RGPD2: variants seen among roughly 807,000 people sequenced by gnomAD.
The protein encoded by RGPD2 is RANBP2-like and GRIP domain-containing protein 2.
RGPD2 carries 2 observed loss-of-function variants against 36.0 expected under a neutral mutation model. The ratio of observed to expected loss-of-function variants is 0.06; its 90% CI spans 0.02 to 0.17. RGPD2 has a LOEUF of 0.17. RGPD2 is among the 10% of genes least tolerant of loss of function. The probability of loss-of-function intolerance (pLI) is 1.00; values close to 1 mark genes in which losing one functional copy is unlikely to be tolerated. For synonymous variants in RGPD2, 19 were observed against 163.8 expected, an observed-to-expected ratio of 0.12 and a Z score of 6.75; for missense variants, 40 against 464.3, an observed-to-expected ratio of 0.09 and a Z score of 8.40.
At chr2:87,937,236 G>A in the RGPD2 span, among the ~76,000 whole-genome samples, 3 of 151,720 alleles carry the variant, frequency 2.0e-5, no homozygotes, top group Admixed American at 6.6e-5. Context: ...ATTTAAAAGT[G>A]TCTTGAGCAA....
the RGPD2 span, among the ~76,000 whole-genome samples, chr2:87,951,346 T>C: frequency 1.3e-5 from 2 of 151,464 alleles, no homozygotes; most frequent in Admixed American, 6.6e-5. Context: ...AAACTAATTA[T>C]TAGAACAAGA....
At chr2:87,911,983 C>G in the RGPD2 span, among the ~76,000 whole-genome samples, 1 of 152,106 alleles carries the variant, frequency 6.6e-6, no homozygotes, top group Non-Finnish European at 1.5e-5. Flanking sequence ...CAAGTAAAAT[C>G]TAGCTAGTCC....
chr2:87,881,430 A>G, the RGPD2 span, among the ~76,000 whole-genome samples: 1 of 152,176 alleles, frequency 6.6e-6, no homozygotes, highest in African/African-American at 2.4e-5. Context: ...CTGGGGACCC[A>G]GGCTTTCTCA....
chr2:87,985,614 T>G, the RGPD2 span: 2 of 991,834 alleles, frequency 2.0e-6, no homozygotes, highest in African/African-American at 3.2e-5. Flanking sequence ...TTAATATCAT[T>G]CTATTATTTT....
the RGPD2 span, among the ~76,000 whole-genome samples, chr2:87,837,210 A>G: frequency 5.3e-5 from 8 of 150,374 alleles, no homozygotes; most frequent in African/African-American, 1.9e-4. Context: ...CCCAAATTTG[A>G]TACTTAACTA....
the RGPD2 span, among the ~76,000 whole-genome samples, chr2:87,883,636 A>T: frequency 6.6e-6 from 1 of 151,958 alleles, no homozygotes; most frequent in Admixed American, 6.6e-5. Context: ...TTAAAGGGAG[A>T]CAGAAACTGA....
intron 21 of RGPD2, among the ~76,000 whole-genome samples, chr2:87,773,693 C>CA (rs1305018424): frequency 0.014 from 37 of 2,602 alleles, 1 homozygote; most frequent in Non-Finnish European, 0.019. Flanking sequence ...AAGACTATCT[C>CA]AAAAAAAAAA....
At chr2:87,913,140 A>G in the RGPD2 span, among the ~76,000 whole-genome samples, 2 of 152,280 alleles carry the variant, frequency 1.3e-5, no homozygotes, top group South Asian at 4.1e-4. Context: ...TTTCTACACA[A>G]CCCAAATGTC....
intron 1 of RGPD2, chr2:87,825,265 A>T (rs955492681): frequency 3.3e-5 from 13 of 392,938 alleles, no homozygotes; most frequent in Non-Finnish European, 5.4e-5. Flanking sequence ...ACTAACCTCA[A>T]AACAAATGAT....
the RGPD2 span, among the ~76,000 whole-genome samples, chr2:87,831,235 A>G: frequency 3.3e-5 from 5 of 152,106 alleles, no homozygotes; most frequent in Non-Finnish European, 7.4e-5. Context: ...AGTAAAATGG[A>G]AAAGATATCA....
the RGPD2 span, among the ~76,000 whole-genome samples, chr2:87,874,065 T>G: frequency 6.8e-6 from 1 of 147,108 alleles, no homozygotes; most frequent in Admixed American, 6.8e-5. Flanking sequence ...TTGCCTATGG[T>G]TTTTTTTTTC....
chr2:87,917,136 G>C, the RGPD2 span, among the ~76,000 whole-genome samples: 2 of 152,036 alleles, frequency 1.3e-5, no homozygotes, highest in Non-Finnish European at 2.9e-5. Context: ...TTGGAATATT[G>C]AGGTAAGTCA....
chr2:87,836,319 GAGGACGGA>G, the RGPD2 span, among the ~76,000 whole-genome samples: 1 of 144,914 alleles, frequency 6.9e-6, no homozygotes, highest in Admixed American at 7.0e-5. Context: ...GAGAGAGAGG[GAGGACGGA>G]AGGAAGGAAG....
the RGPD2 span, among the ~76,000 whole-genome samples, chr2:87,873,176 C>G: frequency 6.6e-6 from 1 of 151,778 alleles, no homozygotes; most frequent in African/African-American, 2.4e-5. Context: ...TAATCTCATT[C>G]CCTTTTTATG....
At chr2:87,976,015 A>C in the RGPD2 span, among the ~76,000 whole-genome samples, 1 of 151,012 alleles carries the variant, frequency 6.6e-6, no homozygotes, top group African/African-American at 2.4e-5. Flanking sequence ...TGTTTATGAG[A>C]GGTTGGGGGA....
At chr2:87,951,161 T>C in the RGPD2 span, among the ~76,000 whole-genome samples, 1 of 137,888 alleles carries the variant, frequency 7.3e-6, no homozygotes, top group Non-Finnish European at 1.6e-5. Flanking sequence ...CCTACCATTA[T>C]ATCAGACTGC....
intron 1 of RGPD2, chr2:87,825,042 A>C: frequency 2.6e-6 from 1 of 381,134 alleles, no homozygotes; most frequent in East Asian, 3.7e-5. Context: ...ACAAATTACC[A>C]TCTACCCCCC....
chr2:87,947,738 C>G, the RGPD2 span, among the ~76,000 whole-genome samples: 1 of 152,150 alleles, frequency 6.6e-6, no homozygotes, highest in Admixed American at 6.5e-5. Flanking sequence ...GTCTTTTTTG[C>G]CATGCCACTG....
At chr2:87,769,293 T>C (rs1332382231) in intron 22 of RGPD2, among the ~76,000 whole-genome samples, 41 of 151,966 alleles carry the variant, frequency 2.7e-4, no homozygotes, top group African/African-American at 9.6e-4. Context: ...AAAGAGAAAA[T>C]GTAAGGTATC....
Sources: gnomAD v4.1 joint callset for allele counts (sites outside exome capture counted in the v4.1 genomes callset) on GRCh38, gnomAD v4.1.1 for gene constraint, MANE v1.5 for transcripts, NCBI Gene and HGNC (gene_info 2026-07-23, HGNC 2026-07-21) for gene names.